Variants in ZNF469 observed in about 807,000 individuals in gnomAD.
ZNF469 encodes zinc finger protein 469.
ZNF469 carries 1 observed loss-of-function variant against 1.0 expected under a neutral mutation model. The observed-to-expected ratio is 1.00, with a 90% CI of 0.35 to 4.73. The LOEUF (loss-of-function observed/expected upper bound fraction) is 4.73, where lower values mean the gene tolerates loss of function less well. Among genes scored for constraint, ZNF469 ranks in the 30% most tolerant of loss-of-function variants. The probability of loss-of-function intolerance (pLI) is 0.16; values close to 1 mark genes in which losing one functional copy is unlikely to be tolerated. For synonymous variants in ZNF469, 2,703 were observed against 2,363.4 expected, an observed-to-expected ratio of 1.14 and a Z score of -4.17; for missense variants, 6,100 against 5,356.3, an observed-to-expected ratio of 1.14 and a Z score of -4.33.
chr16:88,305,549 T>C, the ZNF469 span, among the ~76,000 whole-genome samples: 15 of 78,996 alleles, frequency 1.9e-4, no homozygotes, highest in African/African-American at 6.4e-4. Flanking sequence ...CACACATGTG[T>C]GCACACCCTC....
At chr16:88,141,882 G>A in the ZNF469 span, among the ~76,000 whole-genome samples, 5 of 152,308 alleles carry the variant, frequency 3.3e-5, no homozygotes, top group South Asian at 4.1e-4. Flanking sequence ...CAGCCCTGCC[G>A]ACACCTTGAT....
chr16:88,273,767 T>C, the ZNF469 span, among the ~76,000 whole-genome samples: 6 of 151,902 alleles, frequency 3.9e-5, no homozygotes, highest in African/African-American at 1.5e-4. Context: ...GACAGGTGAA[T>C]GGATACATAC....
At chr16:88,172,521 G>A in the ZNF469 span, among the ~76,000 whole-genome samples, 3 of 152,262 alleles carry the variant, frequency 2.0e-5, 1 homozygote, top group Middle Eastern at 6.8e-3. Context: ...AAAGTCCAAC[G>A]CTATTCAAAG....
chr16:88,162,677 C>CG, the ZNF469 span, among the ~76,000 whole-genome samples: 1 of 151,162 alleles, frequency 6.6e-6, no homozygotes, highest in Admixed American at 6.6e-5. Context: ...AGTGCCCCCC[C>CG]CCTTTTATTC....
the ZNF469 span, among the ~76,000 whole-genome samples, chr16:88,370,351 C>G: frequency 1.3e-5 from 2 of 152,124 alleles, no homozygotes; most frequent in Non-Finnish European, 2.9e-5. Context: ...GGGCGGGCTC[C>G]ACCTCATGGT....
the ZNF469 span, among the ~76,000 whole-genome samples, chr16:88,219,214 A>G: frequency 6.7e-6 from 1 of 149,984 alleles, no homozygotes; most frequent in African/African-American, 2.5e-5. Flanking sequence ...TACAGATTCA[A>G]TGCCATCCCC....
At chr16:88,375,153 G>A in the ZNF469 span, among the ~76,000 whole-genome samples, 1 of 152,244 alleles carries the variant, frequency 6.6e-6, no homozygotes, top group East Asian at 1.9e-4. Flanking sequence ...CATGACCAGC[G>A]TGGAAATTTG....
chr16:88,256,764 C>A, the ZNF469 span, among the ~76,000 whole-genome samples: 1 of 151,966 alleles, frequency 6.6e-6, no homozygotes, highest in African/African-American at 2.4e-5. Context: ...AGGTGAGAGG[C>A]GATATCTTAT....
the ZNF469 span, among the ~76,000 whole-genome samples, chr16:88,297,110 C>T: frequency 6.6e-6 from 1 of 152,214 alleles, no homozygotes; most frequent in Non-Finnish European, 1.5e-5. Flanking sequence ...AAAACAGTGT[C>T]GCCACGCAGG....
chr16:88,302,630 A>G, the ZNF469 span: 2 of 152,286 alleles, frequency 1.3e-5, no homozygotes, highest in Non-Finnish European at 2.9e-5. Context: ...AAGGCGCTCC[A>G]CAGATGCTTG....
the ZNF469 span, among the ~76,000 whole-genome samples, chr16:88,321,892 T>G: frequency 6.6e-6 from 1 of 152,234 alleles, no homozygotes; most frequent in Non-Finnish European, 1.5e-5. Context: ...CCAAATGCCT[T>G]CTTGGCAACA....
At chr16:88,104,084 A>G in the ZNF469 span, among the ~76,000 whole-genome samples, 1 of 151,926 alleles carries the variant, frequency 6.6e-6, no homozygotes, top group Non-Finnish European at 1.5e-5. Context: ...CAAAGCCCAC[A>G]CAGCCCCGCA....
At chr16:88,379,632 C>T (rs926678555), upstream of ZNF469, among the ~76,000 whole-genome samples, 6 of 152,130 alleles carry the variant, frequency 3.9e-5, no homozygotes, top group Non-Finnish European at 1.5e-5. Flanking sequence ...TTCCTGTGCA[C>T]TGGGGAGGCG....
At chr16:88,222,282 TTTTG>T in the ZNF469 span, among the ~76,000 whole-genome samples, 248 of 152,192 alleles carry the variant, frequency 1.6e-3, 1 homozygote, top group African/African-American at 5.4e-3. Context: ...TGTTTCTTTG[TTTTG>T]TTTGTTTGTT....
the ZNF469 span, among the ~76,000 whole-genome samples, chr16:88,112,682 A>C: frequency 6.6e-6 from 1 of 150,998 alleles, no homozygotes; most frequent in Admixed American, 6.6e-5. Context: ...CTGGTTATGA[A>C]TCCCTTGTCA....
At chr16:88,325,202 TCGCGACAGCAGCTGTGAC>T in the ZNF469 span, among the ~76,000 whole-genome samples, 5 of 110,844 alleles carry the variant, frequency 4.5e-5, no homozygotes, top group African/African-American at 2.2e-4. Context: ...CTCCAGGTGG[TCGCGACAGCAGCTGTGAC>T]ATACACAGGG....
the ZNF469 span, among the ~76,000 whole-genome samples, chr16:88,279,886 C>CGGTT: frequency 7.6e-6 from 1 of 132,134 alleles, no homozygotes; most frequent in African/African-American, 2.6e-5. Flanking sequence ...TATCAGTGCA[C>CGGTT]AGTTAGTGCT....
chr16:88,109,627 A>G, the ZNF469 span, among the ~76,000 whole-genome samples: 4,869 of 111,922 alleles, frequency 0.044, 111 homozygotes, highest in East Asian at 0.1. Context: ...TCTCCTCTCC[A>G]GGATCAGGAG....
At chr16:88,204,134 T>TAACCCCATAGAGCAGCCGGAGGCGCC in the ZNF469 span, among the ~76,000 whole-genome samples, 1 of 143,490 alleles carries the variant, frequency 7.0e-6, no homozygotes, top group African/African-American at 2.6e-5. Flanking sequence ...CCGGAGGCGC[T>TAACCCCATAGAGCAGCCGGAGGCGCC]CCGTAACCCC....
Sources: gnomAD v4.1 joint callset for allele counts (sites outside exome capture counted in the v4.1 genomes callset) on GRCh38, gnomAD v4.1.1 for gene constraint, MANE v1.5 for transcripts, NCBI Gene and HGNC (gene_info 2026-07-23, HGNC 2026-07-21) for gene names.